MNAT1: variants seen among roughly 807,000 people sequenced by gnomAD.
MNAT1 encodes CDK-activating kinase assembly factor MAT1.
A neutral mutation model predicts 42.0 loss-of-function variants in MNAT1; 43 were observed. The ratio of observed to expected loss-of-function variants is 1.02; its 90% CI spans 0.80 to 1.32. The LOEUF (loss-of-function observed/expected upper bound fraction) is 1.32, where lower values mean the gene tolerates loss of function less well. Among genes scored for constraint, MNAT1 ranks in the 40% most tolerant of loss-of-function variants. The probability of loss-of-function intolerance (pLI) is 0.00; values close to 1 mark genes in which losing one functional copy is unlikely to be tolerated. For missense variants in MNAT1, 306 were observed against 350.4 expected (o/e 0.87, Z 1.01); for synonymous variants, 118 against 120.0 (o/e 0.98, Z 0.11).
At chr14:60,805,061 C>T (rs572795260) in intron 3 of MNAT1, among the ~76,000 whole-genome samples, 4 of 152,118 alleles carry the variant, frequency 2.6e-5, no homozygotes, top group Non-Finnish European at 4.4e-5. Context: ...TTTGAACCTT[C>T]CTCCTTTGCC....
intron 6 of MNAT1, among the ~76,000 whole-genome samples, chr14:60,830,216 A>C (rs2033175994): frequency 6.6e-6 from 1 of 152,186 alleles, no homozygotes; most frequent in African/African-American, 2.4e-5. Context: ...TGTTAGCAAA[A>C]GAATGGAGGG....
chr14:60,959,180 C>G (rs1162813950), intron 7 of MNAT1, among the ~76,000 whole-genome samples: 3 of 152,152 alleles, frequency 2.0e-5, no homozygotes, highest in Non-Finnish European at 4.4e-5. Context: ...CCTCAGCAGC[C>G]AGCAAAAGCC....
rs2034788697 is a variant in MNAT1, at chr14:60,889,769, C to A, written c.809+9934C>A. On this transcript the variant is annotated intron_variant, in intron 7 of 7. Transcript: ENST00000261245. The stretch of plus-strand genomic sequence containing the variant: ...CAAATTTGCAAGAAAAAACAAACAA[C>A]CCCATCAAAAAGTGGGCAAAGGATA... Among the ~76,000 whole-genome samples, 6 of 152,108 alleles carry A rather than the reference C, an allele frequency of 3.9e-5. 1 individual carries two copies. The South Asian group carries it at 1.2e-3, about 32-fold the overall frequency.
intron 7 of MNAT1, among the ~76,000 whole-genome samples, chr14:60,936,282 G>A (rs1203275862): frequency 2.0e-5 from 3 of 152,102 alleles, no homozygotes; most frequent in Non-Finnish European, 2.9e-5. Flanking sequence ...ACAACGTGCA[G>A]GTTTGTTACG....
intron 4 of MNAT1, among the ~76,000 whole-genome samples, chr14:60,809,324 C>T (rs1247046769): frequency 6.6e-6 from 1 of 152,102 alleles, no homozygotes; most frequent in Non-Finnish European, 1.5e-5. Context: ...TTTATATCAG[C>T]ATTTCTTTCC....
chr14:60,879,816 G>A lies in MNAT1; in HGVS notation c.790G>A (p.Glu264Lys), dbSNP rs1476171074. The change falls in exon 7 of 8, where the codon GAG (glutamate) becomes AAG (lysine). Residue 264 changes from glutamate to lysine, a missense_variant. Glu to Lys is a moderately conservative substitution (Grantham distance 56, BLOSUM62 1). Around this residue, in one of 3 missense-constraint regions of MNAT1, gnomAD observed 116 missense variants for 139.6 expected, o/e 0.83. Coordinates refer to ENST00000261245, the MANE Select transcript of MNAT1 (RefSeq NM_002431.4). ...ATATGGACCACATGTTCCTGAGCTT[G>A]AGATGCTAGGAAGACTTGGGTATGT... ...ETYGPHVPEL[E>K]MLGRLGYLNH... 1 of 1,612,852 alleles carries A rather than the reference G, an allele frequency of 6.2e-7. No individual in the cohort carries two copies. The highest frequency in any genetic ancestry group is 2.2e-5 in the East Asian group (1 of 44,776).
intron 7 of MNAT1, among the ~76,000 whole-genome samples, chr14:60,964,119 T>A (rs1192011861): frequency 3.3e-5 from 5 of 152,174 alleles, no homozygotes; most frequent in Non-Finnish European, 7.3e-5. Flanking sequence ...GAAACTGAAG[T>A]CTTTCTGAAG....
intron 1 of MNAT1, among the ~76,000 whole-genome samples, chr14:60,747,167 G>A (rs1001626682): frequency 4.0e-5 from 6 of 151,282 alleles, no homozygotes; most frequent in Non-Finnish European, 7.4e-5. Flanking sequence ...TGTATTTTTA[G>A]TAGAGATGGG....
At chr14:60,751,431 T>G (rs1452190501) in intron 1 of MNAT1, among the ~76,000 whole-genome samples, 1 of 152,074 alleles carries the variant, frequency 6.6e-6, no homozygotes, top group Non-Finnish European at 1.5e-5. Context: ...TATTCAATAA[T>G]GATATTTTTC....
chr14:60,758,589 C>T (rs778047586), intron 1 of MNAT1, among the ~76,000 whole-genome samples: 4 of 151,604 alleles, frequency 2.6e-5, no homozygotes, highest in Non-Finnish European at 5.9e-5. Context: ...CCACTCCTCC[C>T]AACCCTCCAA....
In MNAT1 at chr14:60,811,961, A is replaced by G. The variant is rs368532203; in HGVS notation, c.421-26A>G. Reference sequence around the variant, plus strand: ...TGCTCTTGGCTCCTAAATTTATTCCACGCCATATATAAATTTTTGTTTTAG... The same window carrying G: ...TGCTCTTGGCTCCTAAATTTATTCCGCGCCATATATAAATTTTTGTTTTAG... On this transcript the variant is annotated intron_variant, in intron 4 of 7. Coordinates refer to ENST00000261245, the MANE Select transcript of MNAT1 (RefSeq NM_002431.4). 1.9e-6 allele frequency: 3 copies of G among 1,540,772 alleles called. No homozygotes were observed. In the East Asian group the frequency reaches 6.8e-5, roughly 35 times the overall value.
intron 1 of MNAT1, among the ~76,000 whole-genome samples, chr14:60,760,500 C>T (rs925022804): frequency 1.3e-5 from 2 of 152,116 alleles, no homozygotes; most frequent in Admixed American, 6.6e-5. Flanking sequence ...CAGCAAGTCT[C>T]CAATATGATT....
In MNAT1 at chr14:60,968,801, T is replaced by C; in HGVS notation, c.*452T>C. 3 of 271,868 alleles carry C rather than the reference T, an allele frequency of 1.1e-5. No homozygotes were observed. The highest frequency in any genetic ancestry group is 2.1e-5 in the Non-Finnish European group (3 of 141,540). The allele number at this position is 271,868 out of a possible 1,614,324, so 16.8% of individuals were successfully genotyped here. Reference sequence around the variant, plus strand: ...TTTCTTCTCATAAAATGTTCCCCTTTTTCCTAATGTCTTGTTAATACTAGT... The same window carrying C: ...TTTCTTCTCATAAAATGTTCCCCTTCTTCCTAATGTCTTGTTAATACTAGT... On this transcript the variant is annotated 3_prime_UTR_variant, in exon 8 of 8. Transcript: ENST00000261245.
intron 1 of MNAT1, among the ~76,000 whole-genome samples, chr14:60,743,532 G>A (rs914372801): frequency 5.3e-5 from 8 of 152,244 alleles, no homozygotes; most frequent in Admixed American, 2.0e-4. Context: ...CAGGTGATTC[G>A]CCTGCCTCAG....
chr14:60,967,021 C>A (rs1366260235), intron 7 of MNAT1, among the ~76,000 whole-genome samples: 2 of 152,064 alleles, frequency 1.3e-5, no homozygotes, highest in African/African-American at 4.8e-5. Flanking sequence ...TTCTCTTCTT[C>A]CTTCCGCTTT....
At chr14:60,887,977 G>A (rs983639314) in intron 7 of MNAT1, among the ~76,000 whole-genome samples, 2 of 149,876 alleles carry the variant, frequency 1.3e-5, no homozygotes, top group African/African-American at 2.5e-5. Context: ...ACCAAAAAGA[G>A]TCCAGGACCA....
At chr14:60,899,806 G>A (rs2035034993) in intron 7 of MNAT1, among the ~76,000 whole-genome samples, 1 of 152,064 alleles carries the variant, frequency 6.6e-6, no homozygotes, top group Admixed American at 6.6e-5. Flanking sequence ...TGCAAATATT[G>A]CAAGTATATC....
intron 7 of MNAT1, among the ~76,000 whole-genome samples, chr14:60,899,481 A>G (rs2035029353): frequency 6.6e-6 from 1 of 152,158 alleles, no homozygotes; most frequent in South Asian, 2.1e-4. Flanking sequence ...AACTATTATT[A>G]TATCATCAGT....
chr14:60,921,331 C>A (rs1283067108), intron 7 of MNAT1, among the ~76,000 whole-genome samples: 5 of 152,154 alleles, frequency 3.3e-5, no homozygotes, highest in African/African-American at 9.6e-5. Context: ...ATTGGGTATT[C>A]CCCATTGTAA....
Sources: gnomAD v4.1 joint callset for allele counts (sites outside exome capture counted in the v4.1 genomes callset) on GRCh38, gnomAD v4.1.1 for gene constraint, gnomAD v4.1.1 regional missense constraint, MANE v1.5 for transcripts, NCBI Gene and HGNC (gene_info 2026-07-23, HGNC 2026-07-21) for gene names.